The following IFI44L variants were observed in gnomAD, a reference collection of about 807,000 sequenced individuals.
IFI44L encodes interferon induced protein 44 like, also known as interferon-induced protein 44-like.
In IFI44L, 40 loss-of-function variants were observed where a neutral mutation model predicts 39.3. The observed-to-expected ratio is 1.02, with a 90% CI of 0.79 to 1.33. The LOEUF is 1.33. Among genes scored for constraint, IFI44L ranks in the 40% most tolerant of loss-of-function variants. The probability of loss-of-function intolerance (pLI) is 0.00; values close to 1 mark genes in which losing one functional copy is unlikely to be tolerated. For missense variants in IFI44L, 623 were observed against 549.0 expected (o/e 1.13, Z -1.35); for synonymous variants, 198 against 182.3 (o/e 1.09, Z -0.69).
chr1:78,641,366 G>A (rs1276614477), intron 7 of IFI44L, 69 bp from the exon 8 acceptor site: 10 of 1,415,446 alleles, frequency 7.1e-6, no homozygotes, highest in African/African-American at 1.4e-5. Context: ...TTCTTAAATT[G>A]TATTTAAAAT....
At chr1:78,635,550 T>G in intron 5 of IFI44L, 61 bp downstream of exon 5, 2 of 1,538,660 alleles carry the variant, frequency 1.3e-6, no homozygotes, top group South Asian at 2.3e-5. Context: ...TTTCATTGAA[T>G]TTTTAACCAC....
intron 6 of IFI44L, among the ~76,000 whole-genome samples, chr1:78,639,380 G>A (rs911101458): frequency 1.5e-4 from 23 of 152,162 alleles, no homozygotes; most frequent in African/African-American, 5.5e-4. Context: ...GTTTGACTGG[G>A]GTAGTGTGGC....
intron 5 of IFI44L, among the ~76,000 whole-genome samples, chr1:78,636,317 G>A (rs1652949918): frequency 6.6e-6 from 1 of 152,022 alleles, no homozygotes; most frequent in African/African-American, 2.4e-5. Flanking sequence ...CAGGGAAAAG[G>A]AGACACACAG....
chr1:78,635,390 G>A lies in IFI44L; in HGVS notation c.777G>A (p.Met259Ile), dbSNP rs1652907124. 2.5e-6 allele frequency: 4 copies of A among 1,612,496 alleles called. No homozygotes were observed. Among genetic ancestry groups the A allele is most frequent in the Middle Eastern group, 1.6e-4 (1 of 6,078 alleles). ...AAAATGGAAAATCTCTGCCATTTAT[G>A]TTGTGTGACACTATGGGGCTAGATG... ...DGKNGKSLPF[M>I]LCDTMGLDGA... Residue 259 changes from methionine to isoleucine, a missense_variant, in exon 5 of 9, where the codon ATG becomes ATA. By Grantham distance (10) the Met-to-Ile change is conservative. Transcript: ENST00000370751.
Position 78,628,412 on chromosome 1 carries a change from T to C in IFI44L, c.478+19T>C, listed in dbSNP as rs766516951. 1.6e-6 allele frequency: 2 copies of C among 1,279,786 alleles called. No homozygotes were observed. The highest frequency in any genetic ancestry group is 2.2e-6 in the Non-Finnish European group (2 of 912,118). The allele number at this position is 1,279,786 out of a possible 1,614,324, so 79.3% of individuals were successfully genotyped here. On this transcript the variant is annotated intron_variant, in intron 2 of 8. Coordinates refer to ENST00000370751, the MANE Select transcript of IFI44L (RefSeq NM_006820.4). ...GTTGAAGGTTTGTAAAATTAGATAA[T>C]CCTACATCTCACATTATGATTCTAA...
In IFI44L at chr1:78,643,617, T is replaced by C. The variant is rs1029791919; in HGVS notation, c.*1808T>C. 6.8e-6 allele frequency: 1 copy of C among 147,572 alleles called. No individual in the cohort carries two copies. Among genetic ancestry groups the C allele is most frequent in the African/African-American group, 2.5e-5 (1 of 39,216 alleles). The allele number at this position is 147,572 out of a possible 1,614,324, so 9.1% of individuals were successfully genotyped here. A position where few individuals can be genotyped will look rare whatever the true frequency, so the allele number is the denominator to read the frequency against. The stretch of plus-strand genomic sequence containing the variant: ...AACATACAGAGATGAAAACTGGAAG[T>C]TTTTTTTTGTTTGTTTTGTTTTTTT... On this transcript the variant is annotated 3_prime_UTR_variant, in exon 9 of 9. Transcript: ENST00000370751.
intron 6 of IFI44L, among the ~76,000 whole-genome samples, chr1:78,639,841 G>A (rs1653094618): frequency 6.6e-6 from 1 of 152,074 alleles, no homozygotes; most frequent in South Asian, 2.1e-4. Flanking sequence ...ACATATTTAG[G>A]TTCCGAAAAG....
At chr1:78,640,161 G>T (rs1041653489) in intron 6 of IFI44L, among the ~76,000 whole-genome samples, 1 of 152,094 alleles carries the variant, frequency 6.6e-6, no homozygotes, top group Middle Eastern at 3.2e-3. Context: ...AGGATGTATG[G>T]CAACACATTG....
At chr1:78,637,312 C>T in intron 6 of IFI44L, 109 bp downstream of exon 6, 1 of 789,280 alleles carries the variant, frequency 1.3e-6, no homozygotes, top group Non-Finnish European at 1.9e-6. Context: ...TCCTATTTCC[C>T]TGGAGTGGTG....
chr1:78,629,058 A>G lies in IFI44L; in HGVS notation c.527+59A>G, dbSNP rs1570355646. Reference sequence around the variant, plus strand: ...TTTATTTAGACCAATTGTATAAAGAATGCTGACAAATATGTGGTAAAGATA... The same window carrying G: ...TTTATTTAGACCAATTGTATAAAGAGTGCTGACAAATATGTGGTAAAGATA... On this transcript the variant is annotated intron_variant, in intron 3 of 8. Coordinates refer to ENST00000370751, the MANE Select transcript of IFI44L (RefSeq NM_006820.4). 3.0e-6 allele frequency: 3 copies of G among 1,011,500 alleles called. 1 individual carries two copies. In the South Asian group the frequency reaches 3.9e-5, roughly 13 times the overall value. The allele number at this position is 1,011,500 out of a possible 1,614,324, so 62.7% of individuals were successfully genotyped here.
intron 1 of IFI44L, among the ~76,000 whole-genome samples, chr1:78,623,389 GTTTTTTGTTTTTTTTTTTT>G (rs1172167555): frequency 5.0e-5 from 1 of 19,926 alleles, no homozygotes; most frequent in Non-Finnish European, 1.2e-4. Flanking sequence ...TGGTTTAAGT[GTTTTTTGTTTTTTTTTTTT>G]TTTTTTTTTT....
At position 78,645,588 on chromosome 1, in the gene IFI44L, T is replaced by C. The variant is rs1375672068; in HGVS notation, c.*3779T>C. 6.6e-6 allele frequency: 1 copy of C among 152,124 alleles called. No individual in the cohort carries two copies. The highest frequency in any genetic ancestry group is 1.9e-4 in the East Asian group (1 of 5,186). 9.4% of individuals were successfully genotyped at this position (152,124 alleles called of 1,614,324 possible). On this transcript the variant is annotated 3_prime_UTR_variant, in exon 9 of 9. Coordinates refer to ENST00000370751, the MANE Select transcript of IFI44L (RefSeq NM_006820.4). The stretch of plus-strand genomic sequence containing the variant: ...AATAATCATCTCCTAGCAACATAAC[T>C]CAATCTAATGCTAAGGTACCCACAA...
At chr1:78,635,161 A>G (rs1652896831) in intron 4 of IFI44L, among the ~76,000 whole-genome samples, 176 bp from the exon 5 acceptor site, 1 of 152,034 alleles carries the variant, frequency 6.6e-6, no homozygotes, top group African/African-American at 2.4e-5. Flanking sequence ...TATAACCCAC[A>G]TAAACAACAG....
At chr1:78,623,404 T>G (rs992433019) in intron 1 of IFI44L, among the ~76,000 whole-genome samples, 2,285 of 47,128 alleles carry the variant, frequency 0.048, 54 homozygotes, top group African/African-American at 0.094. Flanking sequence ...TTGTTTTTTT[T>G]TTTTTTTTTT....
chr1:78,628,524 T>C, intron 2 of IFI44L, 131 bp downstream of exon 2: 1 of 655,468 alleles, frequency 1.5e-6, no homozygotes, highest in Non-Finnish European at 2.6e-6. Context: ...CTTTGATAAA[T>C]TCTGAAATGA....
intron 2 of IFI44L, 27 bp downstream of exon 2, chr1:78,628,420 C>T: frequency 8.1e-7 from 1 of 1,233,826 alleles, no homozygotes; most frequent in Non-Finnish European, 1.1e-6. Flanking sequence ...AATCCTACAT[C>T]TCACATTATG....
At position 78,635,432 on chromosome 1, in the gene IFI44L, A is replaced by G. The variant is rs1188105522; in HGVS notation, c.819A>G (p.Gly273=). The G allele has an allele frequency of 6.2e-7, 1 of 1,613,618 alleles. No individual in the cohort carries two copies. The highest frequency in any genetic ancestry group is 1.1e-5 in the South Asian group (1 of 91,062). The change falls in exon 5 of 9, where the codon GGA becomes GGG. Residue 273 remains glycine (G), a synonymous_variant. Coordinates refer to ENST00000370751, the MANE Select transcript of IFI44L (RefSeq NM_006820.4). ...TMGLDGAEGA[G]LCMDDIPHIL... is the part of the protein sequence containing the mutation. ...GGCTAGATGGGGCAGAAGGAGCAGGACTGTGCATGGATGACATTCCCCACA... is the reference window on the plus strand; with the variant it reads ...GGCTAGATGGGGCAGAAGGAGCAGGGCTGTGCATGGATGACATTCCCCACA...
intron 7 of IFI44L, 53 bp downstream of exon 7, chr1:78,641,174 CGTGTGTGT>C (rs1646978987): frequency 8.0e-6 from 10 of 1,252,814 alleles, no homozygotes; most frequent in Non-Finnish European, 1.2e-5. Flanking sequence ...CACAATCATA[CGTGTGTGT>C]GTTTGTGTGT....
chr1:78,629,920 G>C lies in IFI44L; in HGVS notation c.723+5G>C. On this transcript the variant is annotated splice_donor_5th_base_variant and intron_variant, in intron 4 of 8. Transcript: ENST00000370751. ...ATCACCAGCATAACCGAGCGGGTAA[G>C]TTATTTCCCTGAGGATTTTATTTTA... is the stretch of plus-strand genomic sequence containing the variant. 2 of 1,609,500 alleles carry C rather than the reference G, an allele frequency of 1.2e-6. No homozygotes were observed. The highest frequency in any genetic ancestry group is 1.7e-6 in the Non-Finnish European group (2 of 1,177,082).
Sources: allele counts gnomAD v4.1 joint callset (sites outside exome capture counted in the v4.1 genomes callset), GRCh38; gene constraint gnomAD v4.1.1; transcripts MANE v1.5; gene names NCBI Gene and HGNC (gene_info 2026-07-23, HGNC 2026-07-21).